IMMP2L: variants seen among roughly 807,000 people sequenced by gnomAD.
The protein encoded by IMMP2L is mitochondrial inner membrane protease subunit 2.
Under a neutral mutation model 19.3 loss-of-function variants are expected in IMMP2L, and 18 were observed. That is an observed-to-expected ratio of 0.93 (90% CI 0.64 to 1.38). The LOEUF (loss-of-function observed/expected upper bound fraction) is 1.38, where lower values mean the gene tolerates loss of function less well. Among genes scored for constraint, IMMP2L ranks in the 40% most tolerant of loss-of-function variants. The pLI, the probability that IMMP2L is intolerant of heterozygous loss-of-function variation, is 0.00. For synonymous variants in IMMP2L, 76 were observed against 73.0 expected (o/e 1.04, Z -0.21); for missense variants, 233 against 218.2 (o/e 1.07, Z -0.43).
At chr7:111,529,397 A>G (rs1212235919) in intron 1 of IMMP2L, among the ~76,000 whole-genome samples, 1 of 152,184 alleles carries the variant, frequency 6.6e-6, no homozygotes, top group African/African-American at 2.4e-5. Context: ...GCAATTTAAA[A>G]AATTTTTTCA....
chr7:110,824,811 T>C (rs1225438561), intron 5 of IMMP2L, among the ~76,000 whole-genome samples: 1 of 152,134 alleles, frequency 6.6e-6, no homozygotes, highest in Non-Finnish European at 1.5e-5. Flanking sequence ...GTAAAAGTGA[T>C]TTATATATAC....
intron 2 of IMMP2L, among the ~76,000 whole-genome samples, chr7:111,490,921 G>A (rs1843044840): frequency 6.6e-6 from 1 of 151,920 alleles, no homozygotes; most frequent in African/African-American, 2.4e-5. Context: ...GAACTGCGTG[G>A]GTCCAACAAT....
At chr7:111,466,366 C>T (rs1448478478) in intron 3 of IMMP2L, among the ~76,000 whole-genome samples, 2 of 151,988 alleles carry the variant, frequency 1.3e-5, no homozygotes, top group African/African-American at 2.4e-5. Flanking sequence ...CAAATTTAGT[C>T]GCTTTTTAGG....
chr7:111,231,893 T>C (rs1050953300), intron 3 of IMMP2L, among the ~76,000 whole-genome samples: 3 of 151,954 alleles, frequency 2.0e-5, no homozygotes, highest in South Asian at 2.1e-4. Context: ...TTTTTTTCTA[T>C]AAAAATCACC....
chr7:111,109,683 C>A (rs1184876986), intron 3 of IMMP2L, among the ~76,000 whole-genome samples: 1 of 152,126 alleles, frequency 6.6e-6, no homozygotes, highest in Admixed American at 6.6e-5. Context: ...ACTGCACATG[C>A]TGACAGGATT....
chr7:110,996,485 G>A (rs1823041264), intron 3 of IMMP2L, among the ~76,000 whole-genome samples: 1 of 152,074 alleles, frequency 6.6e-6, no homozygotes, highest in South Asian at 2.1e-4. Context: ...CAAGCAGCAA[G>A]GCTTAAGAAA....
chr7:110,954,844 G>A (rs1818203362), intron 4 of IMMP2L, among the ~76,000 whole-genome samples: 1 of 151,950 alleles, frequency 6.6e-6, no homozygotes. Context: ...ACCATTCAAG[G>A]AAACCACTGA....
intron 5 of IMMP2L, among the ~76,000 whole-genome samples, chr7:110,850,418 C>T (rs1196206026): frequency 1.3e-5 from 2 of 152,074 alleles, no homozygotes; most frequent in African/African-American, 4.8e-5. Flanking sequence ...TGATGGGCCT[C>T]TCAATTTGCA....
rs535923743 is a variant in IMMP2L at position 110,940,812 on chromosome 7, A to G, written c.305+22688T>C. On this transcript the variant is annotated intron_variant, in intron 4 of 5. Transcript: ENST00000405709. ...ACCTGAGGTGTCATGGGAAAGAAAA[A>G]CCACAAGATTCTGTTTTATTTACTA... Among the ~76,000 whole-genome samples, 42 of 151,500 alleles carry G rather than the reference A, an allele frequency of 2.8e-4. No homozygotes were observed. In the East Asian group the frequency reaches 6.8e-3, roughly 24 times the overall value.
At chr7:111,082,014 T>C (rs530703502) in intron 3 of IMMP2L, among the ~76,000 whole-genome samples, 24 of 152,308 alleles carry the variant, frequency 1.6e-4, no homozygotes, top group African/African-American at 5.8e-4. Flanking sequence ...CAGTGTTTTC[T>C]CACTCCAAAT....
chr7:110,992,770 AT>A (rs1186159443), intron 3 of IMMP2L, among the ~76,000 whole-genome samples: 1 of 152,098 alleles, frequency 6.6e-6, no homozygotes, highest in East Asian at 1.9e-4. Context: ...TACAACTATA[AT>A]TAAGAATATA....
chr7:111,481,422 C>T (rs1043094792), intron 3 of IMMP2L, among the ~76,000 whole-genome samples: 1 of 152,050 alleles, frequency 6.6e-6, no homozygotes, highest in Non-Finnish European at 1.5e-5. Context: ...TTACTATGTC[C>T]TTAAGCAGGT....
intron 3 of IMMP2L, among the ~76,000 whole-genome samples, chr7:111,215,721 T>C (rs1811859062): frequency 6.6e-6 from 1 of 152,154 alleles, no homozygotes; most frequent in Non-Finnish European, 1.5e-5. Context: ...ATTAATTTTC[T>C]CCTCTTTCAG....
At chr7:111,158,205 A>G (rs1804855549) in intron 3 of IMMP2L, among the ~76,000 whole-genome samples, 1 of 152,036 alleles carries the variant, frequency 6.6e-6, no homozygotes, top group Admixed American at 6.6e-5. Flanking sequence ...AGATTACAGT[A>G]TTGTTTACAT....
At chr7:111,391,935 T>G (rs371813942) in intron 3 of IMMP2L, 4 of 702,950 alleles carry the variant, frequency 5.7e-6, no homozygotes, top group South Asian at 4.4e-5. Flanking sequence ...ACCTCAGATA[T>G]GCACTTCTTC....
intron 5 of IMMP2L, among the ~76,000 whole-genome samples, chr7:110,826,458 C>A (rs1230994089): frequency 6.6e-6 from 1 of 152,160 alleles, no homozygotes; most frequent in South Asian, 2.1e-4. Flanking sequence ...CAATGATAGA[C>A]TGGATTAAGA....
At chr7:110,958,210 A>G (rs1760661628) in intron 4 of IMMP2L, among the ~76,000 whole-genome samples, 1 of 152,040 alleles carries the variant, frequency 6.6e-6, no homozygotes, top group African/African-American at 2.4e-5. Context: ...TGCTGTGTTG[A>G]TAAGAGTATA....
intron 3 of IMMP2L, among the ~76,000 whole-genome samples, chr7:111,239,461 T>A (rs1464986352): frequency 6.6e-6 from 1 of 151,880 alleles, no homozygotes; most frequent in Non-Finnish European, 1.5e-5. Context: ...TGTGCACGAA[T>A]TATAAACACC....
At chr7:111,392,119 A>C in intron 3 of IMMP2L, 1 of 629,460 alleles carries the variant, frequency 1.6e-6, no homozygotes, top group Non-Finnish European at 2.9e-6. Flanking sequence ...TAGCGACCCA[A>C]GGAGGACCTC....
Sources: allele counts gnomAD v4.1 joint callset (sites outside exome capture counted in the v4.1 genomes callset), GRCh38; gene constraint gnomAD v4.1.1; transcripts MANE v1.5; gene names NCBI Gene and HGNC (gene_info 2026-07-23, HGNC 2026-07-21).